The following ST7 variants were observed in gnomAD, a reference collection of about 807,000 sequenced individuals.
ST7 encodes suppression of tumorigenicity 7.
ST7 carries 28 observed loss-of-function variants against 78.7 expected under a neutral mutation model. That is an observed-to-expected ratio of 0.36 (90% CI 0.26 to 0.49). The LOEUF (loss-of-function observed/expected upper bound fraction) is 0.49. Ranked by LOEUF, ST7 falls within the 20% of genes least tolerant of loss-of-function variation. ST7 has a pLI of 0.99. For synonymous variants in ST7, 247 were observed against 249.6 expected, an observed-to-expected ratio of 0.99 and a Z score of 0.10; for missense variants, 418 against 696.0, an observed-to-expected ratio of 0.60 and a Z score of 4.49.
At chr7:117,165,388 A>T (rs1363957913) in intron 9 of ST7, among the ~76,000 whole-genome samples, 1 of 152,178 alleles carries the variant, frequency 6.6e-6, no homozygotes, top group African/African-American at 2.4e-5. Flanking sequence ...GCATTGAGTC[A>T]AAACGTACAG....
intron 1 of ST7, among the ~76,000 whole-genome samples, chr7:116,984,284 A>G (rs1794096161): frequency 1.3e-5 from 2 of 152,258 alleles, no homozygotes; most frequent in Non-Finnish European, 2.9e-5. Flanking sequence ...ACTGCAAGAA[A>G]TAAATTCCTT....
At chr7:116,971,626 G>A (rs937117254) in intron 1 of ST7, among the ~76,000 whole-genome samples, 4 of 152,156 alleles carry the variant, frequency 2.6e-5, no homozygotes, top group African/African-American at 7.2e-5. Context: ...ACTCCTCCTG[G>A]AATCACCTTT....
chr7:117,020,712 T>G (rs1795855215), intron 1 of ST7: 4 of 1,529,550 alleles, frequency 2.6e-6, no homozygotes, highest in South Asian at 1.2e-5. Context: ...CATATCACTT[T>G]GCCTTAGGTC....
chr7:117,122,684 A>G (rs1803499098), intron 3 of ST7, among the ~76,000 whole-genome samples: 1 of 152,186 alleles, frequency 6.6e-6, no homozygotes, highest in African/African-American at 2.4e-5. Context: ...TGTCTTAAGT[A>G]TATTTAGGTC....
intron 1 of ST7, among the ~76,000 whole-genome samples, chr7:116,991,037 C>T (rs1042922201): frequency 1.3e-5 from 2 of 152,166 alleles, no homozygotes; most frequent in African/African-American, 2.4e-5. Flanking sequence ...TAACCCTGAC[C>T]CAAATCCCTC....
intron 1 of ST7, among the ~76,000 whole-genome samples, chr7:116,990,858 A>G (rs1207525191): frequency 1.3e-5 from 2 of 152,270 alleles, no homozygotes; most frequent in Admixed American, 1.3e-4. Flanking sequence ...AAATTTAAAA[A>G]GTAGACTTTA....
At chr7:117,199,162 A>AGT (rs976862839) in intron 12 of ST7, 4 of 151,838 alleles carry the variant, frequency 2.6e-5, no homozygotes, top group Non-Finnish European at 5.9e-5. Context: ...GAAGAGAGAG[A>AGT]GGTGGCAGGG....
chr7:117,055,371 T>G (rs2116400303), intron 1 of ST7, among the ~76,000 whole-genome samples: 1 of 152,092 alleles, frequency 6.6e-6, no homozygotes, highest in South Asian at 2.1e-4. Context: ...CCTGGCTAAT[T>G]TTTTGTATTT....
chr7:116,996,674 AC>A (rs1794674423), intron 1 of ST7, among the ~76,000 whole-genome samples: 1 of 152,176 alleles, frequency 6.6e-6, no homozygotes. Context: ...CCAGAAAGTT[AC>A]CTAGTCTGAT....
intron 11 of ST7, 85 bp downstream of exon 11, chr7:117,189,478 C>A: frequency 9.0e-7 from 1 of 1,106,040 alleles, no homozygotes; most frequent in Non-Finnish European, 1.3e-6. Flanking sequence ...GGAAGTTTCT[C>A]TTAGGCTATG....
At chr7:117,068,125 A>T (rs1026291967) in intron 1 of ST7, among the ~76,000 whole-genome samples, 2 of 152,220 alleles carry the variant, frequency 1.3e-5, no homozygotes, top group African/African-American at 4.8e-5. Context: ...GGGCAACATC[A>T]TATGTTATTG....
At chr7:117,212,829 C>T (rs1404153352) in intron 13 of ST7, among the ~76,000 whole-genome samples, 1 of 151,906 alleles carries the variant, frequency 6.6e-6, no homozygotes, top group African/African-American at 2.4e-5. Flanking sequence ...TTTAAAAAAA[C>T]AAAGCTGTAA....
At chr7:116,990,439 T>TTGTTC (rs1794375833) in intron 1 of ST7, among the ~76,000 whole-genome samples, 1 of 152,172 alleles carries the variant, frequency 6.6e-6, no homozygotes, top group South Asian at 2.1e-4. Context: ...TTGTTTTGTT[T>TTGTTC]TGTTCTGTTG....
intron 2 of ST7, among the ~76,000 whole-genome samples, chr7:117,107,989 G>C (rs1029783806): frequency 2.0e-5 from 3 of 152,020 alleles, no homozygotes; most frequent in African/African-American, 7.2e-5. Flanking sequence ...CAGGATATTA[G>C]TCCTTTGTCA....
Position 116,976,644 on chromosome 7 carries a change from A to G in ST7, c.151+22953A>G, listed in dbSNP as rs569853559. On this transcript the variant is annotated intron_variant, in intron 1 of 15. Coordinates refer to ENST00000323984, the MANE Select transcript of ST7 (RefSeq NM_001369598.1). ...AGCTTGTCACAAGGCCAAGCCCAAC[A>G]TCCGTGAGGTAGGGCTATATATTCT... 6.6e-5 allele frequency among the ~76,000 whole-genome samples: 10 copies of G among 152,342 alleles called. No homozygotes were observed. The East Asian group carries it at 1.5e-3, about 24-fold the overall frequency.
At chr7:117,223,119 G>T in intron 15 of ST7, 1 of 645,956 alleles carries the variant, frequency 1.5e-6, no homozygotes, top group Non-Finnish European at 2.8e-6. Context: ...ACATCCCATC[G>T]TCTCGGCCTT....
At chr7:117,027,858 G>A (rs542285487) in intron 1 of ST7, among the ~76,000 whole-genome samples, 9 of 152,204 alleles carry the variant, frequency 5.9e-5, no homozygotes, top group Non-Finnish European at 2.9e-5. Context: ...AATCCCCAGA[G>A]TGTAGCAGGG....
At chr7:117,004,401 A>G (rs1318569779) in intron 1 of ST7, among the ~76,000 whole-genome samples, 1 of 152,152 alleles carries the variant, frequency 6.6e-6, no homozygotes, top group African/African-American at 2.4e-5. Context: ...CAATTCGGAA[A>G]TATGCTGTAT....
chr7:117,070,870 T>G (rs1798907908), intron 1 of ST7, among the ~76,000 whole-genome samples: 1 of 152,082 alleles, frequency 6.6e-6, no homozygotes, highest in African/African-American at 2.4e-5. Flanking sequence ...CAGTAGTAAA[T>G]TGTACACTTA....
Sources: allele counts gnomAD v4.1 joint callset (sites outside exome capture counted in the v4.1 genomes callset), GRCh38; gene constraint gnomAD v4.1.1; transcripts MANE v1.5; gene names NCBI Gene and HGNC (gene_info 2026-07-23, HGNC 2026-07-21).